Variants in MINAR1 observed in about 807,000 individuals in gnomAD.
MINAR1 encodes the protein major intrinsically disordered Notch2-binding receptor 1.
MINAR1 carries 40 observed loss-of-function variants against 65.1 expected under a neutral mutation model. The observed-to-expected ratio is 0.61, with a 90% CI of 0.48 to 0.80. The LOEUF (loss-of-function observed/expected upper bound fraction) is 0.80, where lower values mean the gene tolerates loss of function less well. Among genes scored for constraint, MINAR1 ranks in the 30% least tolerant of loss-of-function variants. The probability of loss-of-function intolerance (pLI) is 0.00; values close to 1 mark genes in which losing one functional copy is unlikely to be tolerated. For missense variants in MINAR1, 1,128 were observed against 1,148.0 expected (o/e 0.98, Z 0.25); for synonymous variants, 482 against 449.1 (o/e 1.07, Z -0.93).
Position 79,463,291 on chromosome 15 carries a change from C to A in MINAR1, c.2523C>A (p.Asp841Glu). The part of the protein sequence containing the change: ...TIEEYARNAG[D>E]KGKLTALDLQ... ...AGGAGTATGCACGGAATGCGGGCGACAAGGGCAAGCTGACAGCCCTGGACC... is the reference window on the plus strand; with the variant it reads ...AGGAGTATGCACGGAATGCGGGCGAAAAGGGCAAGCTGACAGCCCTGGACC... Residue 841 changes from aspartate to glutamate, a missense_variant, in exon 3 of 4, where the codon GAC (aspartate) becomes GAA (glutamate). Transcript: ENST00000305428. The A allele has an allele frequency of 1.9e-6, 3 of 1,614,042 alleles. No individual in the cohort carries two copies. Among genetic ancestry groups the A allele is most frequent in the Non-Finnish European group, 2.5e-6 (3 of 1,179,922 alleles).
Position 79,456,278 on chromosome 15 carries a change from C to G in MINAR1, c.131C>G (p.Ala44Gly). 6.2e-7 allele frequency: 1 copy of G among 1,614,124 alleles called. No homozygotes were observed. The highest frequency in any genetic ancestry group is 8.5e-7 in the Non-Finnish European group (1 of 1,180,024). Residue 44 changes from alanine to glycine, a missense_variant, in exon 2 of 4, where the codon GCC (alanine) becomes GGC (glycine). Transcript: ENST00000305428. ...GCCCGGTTCGACCTGTCGCAGCTTG[C>G]CAAACTGAGAAGTGTGCTCTTCTAC... ...LCARFDLSQL[A>G]KLRSVLFYTA...
At chr15:79,428,559 T>G (rs1894372362), upstream of MINAR1, among the ~76,000 whole-genome samples, 4 of 147,122 alleles carry the variant, frequency 2.7e-5, no homozygotes, top group East Asian at 8.7e-4. Context: ...TCTTTCAGCC[T>G]GCCATTTTCA....
the MINAR1 span, chr15:79,425,613 A>T: frequency 6.6e-6 from 1 of 152,162 alleles, no homozygotes; most frequent in South Asian, 2.1e-4. Flanking sequence ...AAAAATTGGC[A>T]GCCAGGATGA....
Position 79,456,574 on chromosome 15 carries a change from G to C in MINAR1, c.427G>C (p.Glu143Gln). 1 of 1,614,142 alleles carries C rather than the reference G, an allele frequency of 6.2e-7. No individual in the cohort carries two copies. Among genetic ancestry groups the C allele is most frequent in the Non-Finnish European group, 8.5e-7 (1 of 1,180,026 alleles). ...TGAGCCCCTGAACTGTGAGCTGAGT[G>C]AGAGGTCTTTCAGCCGGGGCTACCC... Reference protein sequence around the residue: ...ECEPLNCELSERSFSRGYPIR... With the variant: ...ECEPLNCELSQRSFSRGYPIR... Residue 143 changes from glutamate (E) to glutamine (Q), a missense_variant, in exon 2 of 4, where the codon GAG becomes CAG. Transcript: ENST00000305428.
chr15:79,471,947 A>AAAAGGGTATTCAATATTT lies in MINAR1; in HGVS notation c.*3565_*3582dup, dbSNP rs1325905690. On this transcript the variant is annotated 3_prime_UTR_variant, in exon 4 of 4. Transcript: ENST00000305428. The stretch of plus-strand genomic sequence containing the variant: ...CAAGTAATTGTTGGTATAATTGGGG[A>AAAAGGGTATTCAATATTT]AAAGGGTATTCAATATTTATTAAGT... 3 of 152,622 alleles carry AAAAGGGTATTCAATATTT rather than the reference A, an allele frequency of 2.0e-5. No homozygotes were observed. Among genetic ancestry groups the AAAAGGGTATTCAATATTT allele is most frequent in the African/African-American group, 7.2e-5 (3 of 41,442 alleles). The allele number at this position is 152,622 out of a possible 1,614,324, so 9.5% of individuals were successfully genotyped here. A position where few individuals can be genotyped will look rare whatever the true frequency, so the allele number is the denominator to read the frequency against.
At position 79,457,330 on chromosome 15, in the gene MINAR1, T is replaced by C. The variant is rs762328772; in HGVS notation, c.1183T>C (p.Tyr395His). 7 of 1,614,104 alleles carry C rather than the reference T, an allele frequency of 4.3e-6. No individual in the cohort carries two copies. Among genetic ancestry groups the C allele is most frequent in the Non-Finnish European group, 5.9e-6 (7 of 1,180,012 alleles). The change falls in exon 2 of 4, where the codon TAT becomes CAT. Residue 395 changes from tyrosine to histidine, a missense_variant. Tyr to His is a moderately conservative substitution (Grantham distance 83). Transcript: ENST00000305428. Reference protein sequence around the residue: ...NRNPSEEKLHYPNASSQTPNF... With the variant: ...NRNPSEEKLHHPNASSQTPNF... ...AAATCCCTCCGAGGAGAAGCTACAC[T>C]ATCCAAATGCCAGTAGCCAGACCCC...
At chr15:79,434,228 G>A (rs758748059) in intron 1 of MINAR1, among the ~76,000 whole-genome samples, 10 of 152,212 alleles carry the variant, frequency 6.6e-5, no homozygotes, top group Non-Finnish European at 1.0e-4. Context: ...TTGGAAGGCA[G>A]ACAAAAGGTT....
chr15:79,453,487 C>T (rs1420666054), intron 1 of MINAR1, among the ~76,000 whole-genome samples: 2 of 152,188 alleles, frequency 1.3e-5, no homozygotes, highest in Non-Finnish European at 2.9e-5. Flanking sequence ...TTTGTGTGGT[C>T]AAATAAGGTA....
At chr15:79,436,035 C>T (rs1169098574) in intron 1 of MINAR1, among the ~76,000 whole-genome samples, 1 of 152,176 alleles carries the variant, frequency 6.6e-6, no homozygotes, top group Non-Finnish European at 1.5e-5. Flanking sequence ...CCATGTTCTC[C>T]CTTTTCCTCT....
chr15:79,432,192 G>A (rs1298465557), upstream of MINAR1, among the ~76,000 whole-genome samples: 1 of 151,986 alleles, frequency 6.6e-6, no homozygotes, highest in Non-Finnish European at 1.5e-5. Context: ...CGGGGCCGCT[G>A]GAGCGCGGGC....
upstream of MINAR1, among the ~76,000 whole-genome samples, chr15:79,430,421 A>C (rs1216416909): frequency 6.6e-6 from 1 of 152,192 alleles, no homozygotes; most frequent in Non-Finnish European, 1.5e-5. Context: ...TTCCATGTGG[A>C]TTCAACTGTT....
chr15:79,462,815 TG>T (rs1191142773), intron 2 of MINAR1, among the ~76,000 whole-genome samples: 1 of 152,224 alleles, frequency 6.6e-6, no homozygotes, highest in East Asian at 1.9e-4. Context: ...ATGGTAGTGA[TG>T]GCCTAAAGAT....
chr15:79,422,026 G>T, the MINAR1 span: 28 of 152,354 alleles, frequency 1.8e-4, no homozygotes, highest in African/African-American at 6.3e-4. Flanking sequence ...ATGAGCAGCC[G>T]GCAGGAGCTG....
At chr15:79,463,794 G>A in intron 3 of MINAR1, 1 of 454,696 alleles carries the variant, frequency 2.2e-6, no homozygotes, top group Non-Finnish European at 4.4e-6. Flanking sequence ...TGTGAATGCA[G>A]TTGTGGCTGG....
At chr15:79,417,405 T>C in the MINAR1 span, 3 of 152,330 alleles carry the variant, frequency 2.0e-5, no homozygotes, top group East Asian at 5.8e-4. Flanking sequence ...AGAAATCATC[T>C]ATGGCACTTG....
chr15:79,428,417 CTTCA>C (rs1317605140), upstream of MINAR1, among the ~76,000 whole-genome samples: 26 of 124,526 alleles, frequency 2.1e-4, no homozygotes, highest in African/African-American at 2.7e-4. Flanking sequence ...TCCCTCCTTC[CTTCA>C]TTCTTTCCTT....
At chr15:79,458,516 A>G in intron 2 of MINAR1, 71 bp downstream of exon 2, 1 of 1,534,142 alleles carries the variant, frequency 6.5e-7, no homozygotes. Flanking sequence ...CAAAGCCTTG[A>G]ACATGGCGTT....
upstream of MINAR1, among the ~76,000 whole-genome samples, chr15:79,430,846 C>T (rs1894418941): frequency 6.6e-6 from 1 of 152,116 alleles, no homozygotes; most frequent in African/African-American, 2.4e-5. Context: ...TTTAAAGTAT[C>T]CATTTATTAG....
intron 3 of MINAR1, 77 bp from the exon 4 acceptor site, chr15:79,468,110 G>A: frequency 8.6e-7 from 1 of 1,169,282 alleles, no homozygotes; most frequent in Non-Finnish European, 1.2e-6. Context: ...AGTGCTTCAG[G>A]AGTGATGACT....
Sources: allele counts gnomAD v4.1 joint callset (sites outside exome capture counted in the v4.1 genomes callset), GRCh38; gene constraint gnomAD v4.1.1; transcripts MANE v1.5; gene names NCBI Gene and HGNC (gene_info 2026-07-23, HGNC 2026-07-21).